CEP112: variants seen among roughly 807,000 people sequenced by gnomAD.
CEP112 encodes centrosomal protein of 112 kDa.
A neutral mutation model predicts 153.0 loss-of-function variants in CEP112; 127 were observed. That is an observed-to-expected ratio of 0.83 (90% CI 0.72 to 0.96). The LOEUF is 0.96. Among genes scored for constraint, CEP112 ranks in the 40% least tolerant of loss-of-function variants. The probability of loss-of-function intolerance (pLI) is 0.00; values close to 1 mark genes in which losing one functional copy is unlikely to be tolerated. For missense variants in CEP112, 1,089 were observed against 1,101.2 expected (o/e 0.99, Z 0.16); for synonymous variants, 358 against 374.4 (o/e 0.96, Z 0.51).
intron 16 of CEP112, among the ~76,000 whole-genome samples, chr17:66,011,985 G>A (rs897505780): frequency 4.6e-5 from 7 of 152,098 alleles, no homozygotes; most frequent in Non-Finnish European, 1.0e-4. Context: ...GTCCTTCTTT[G>A]TCTTTTTTGA....
At position 66,028,312 on chromosome 17, in the gene CEP112, C is replaced by A. The variant is rs1302567857; in HGVS notation, c.1596+1G>T. On this transcript the variant is annotated splice_donor_variant, in intron 15 of 26. Coordinates refer to ENST00000535342, the MANE Select transcript of CEP112 (RefSeq NM_001199165.4). LOFTEE classifies it high-confidence loss of function. ...CTTCTGTGTAGAAATACAAGACTCA[C>A]CCTTAGTTGTTGCTTTCTTTGAAGT... 1 of 1,553,610 alleles carries A rather than the reference C, an allele frequency of 6.4e-7. No homozygotes were observed. Among genetic ancestry groups the A allele is most frequent in the Non-Finnish European group, 8.8e-7 (1 of 1,133,804 alleles).
At chr17:66,165,244 C>A in intron 4 of CEP112, among the ~76,000 whole-genome samples, 1 of 94,666 alleles carries the variant, frequency 1.1e-5, no homozygotes, top group South Asian at 3.2e-4. Context: ...AACACAGTAG[C>A]CCCTAATCAC....
intron 19 of CEP112, among the ~76,000 whole-genome samples, chr17:65,913,276 T>C (rs1395031000): frequency 2.0e-5 from 3 of 152,202 alleles, no homozygotes; most frequent in Non-Finnish European, 4.4e-5. Flanking sequence ...CTAAAAGATG[T>C]TGGAATCTTT....
chr17:66,141,485 A>C (rs1003366370), intron 4 of CEP112, among the ~76,000 whole-genome samples: 40 of 152,194 alleles, frequency 2.6e-4, no homozygotes, highest in African/African-American at 9.4e-4. Context: ...AGCTATAATC[A>C]CAGTGTTGTG....
intron 24 of CEP112, among the ~76,000 whole-genome samples, chr17:65,654,709 T>C (rs564788235): frequency 2.8e-4 from 42 of 152,352 alleles, no homozygotes; most frequent in Admixed American, 2.2e-3. Flanking sequence ...CAAAAGATTC[T>C]CTGACACCAA....
intron 12 of CEP112, among the ~76,000 whole-genome samples, chr17:66,038,100 C>CAA (rs5821553): frequency 4.8e-4 from 51 of 105,392 alleles, no homozygotes; most frequent in South Asian, 1.4e-3. Flanking sequence ...GACTCTGTCT[C>CAA]AAAAAAAAAA....
At chr17:66,148,517 CT>C (rs1180308953) in intron 4 of CEP112, among the ~76,000 whole-genome samples, 2 of 152,102 alleles carry the variant, frequency 1.3e-5, no homozygotes, top group African/African-American at 4.8e-5. Context: ...TCATTGGTGT[CT>C]TTTTAGATTC....
In CEP112 at chr17:66,048,342, T is replaced by C. The variant is rs1055519244; in HGVS notation, c.1218+5394A>G. On this transcript the variant is annotated intron_variant, in intron 12 of 26. Transcript: ENST00000535342. The stretch of plus-strand genomic sequence containing the variant: ...AGAAATTATCCAATGTTCACATATA[T>C]AGAAGTTCAATATATAAGAGCAGGC... 3.9e-5 allele frequency among the ~76,000 whole-genome samples: 6 copies of C among 152,198 alleles called. No individual in the cohort carries two copies. In the East Asian group the frequency reaches 7.7e-4, roughly 20 times the overall value.
intron 22 of CEP112, among the ~76,000 whole-genome samples, chr17:65,748,717 T>C (rs888616365): frequency 1.3e-5 from 2 of 152,222 alleles, no homozygotes; most frequent in East Asian, 3.9e-4. Flanking sequence ...GGCGGGTAAC[T>C]TGCTCAAGGT....
chr17:65,941,790 G>T (rs1280352954), intron 18 of CEP112, among the ~76,000 whole-genome samples: 4 of 147,874 alleles, frequency 2.7e-5, no homozygotes, highest in Non-Finnish European at 6.0e-5. Context: ...TTGTTTTGTT[G>T]TTTTTTTTTT....
chr17:65,714,047 T>C (rs1324800291), intron 23 of CEP112, among the ~76,000 whole-genome samples: 1 of 152,194 alleles, frequency 6.6e-6, no homozygotes, highest in Non-Finnish European at 1.5e-5. Context: ...GTCAGTTCTC[T>C]AAGCCTTGAA....
At chr17:65,751,751 T>G (rs1245666720) in intron 21 of CEP112, among the ~76,000 whole-genome samples, 1 of 152,228 alleles carries the variant, frequency 6.6e-6, no homozygotes, top group Admixed American at 6.5e-5. Context: ...TCCCAACAGT[T>G]CCTTTTTGTT....
intron 24 of CEP112, among the ~76,000 whole-genome samples, chr17:65,656,071 A>C (rs1382301473): frequency 2.6e-5 from 4 of 152,184 alleles, no homozygotes; most frequent in African/African-American, 9.7e-5. Flanking sequence ...GGTCAGGGGT[A>C]GAGTATGTGA....
chr17:65,743,034 C>G, intron 23 of CEP112, 34 bp downstream of exon 23: 1 of 1,556,072 alleles, frequency 6.4e-7, no homozygotes, highest in Non-Finnish European at 8.7e-7. Context: ...ATTAAAGCAG[C>G]TGGTACCACT....
At chr17:66,169,938 A>T (rs1323890290) in intron 4 of CEP112, among the ~76,000 whole-genome samples, 1 of 152,190 alleles carries the variant, frequency 6.6e-6, no homozygotes, top group Non-Finnish European at 1.5e-5. Flanking sequence ...TGCAATCATG[A>T]TTGGACCAGA....
At chr17:66,064,494 T>C (rs1180582115) in intron 10 of CEP112, among the ~76,000 whole-genome samples, 1 of 152,236 alleles carries the variant, frequency 6.6e-6, no homozygotes, top group African/African-American at 2.4e-5. Context: ...TATTTTTAAT[T>C]GGATATAATC....
chr17:66,170,269 A>G (rs1013937006), intron 4 of CEP112, among the ~76,000 whole-genome samples: 1 of 152,142 alleles, frequency 6.6e-6, no homozygotes, highest in African/African-American at 2.4e-5. Context: ...CAAGACAATT[A>G]AGGTCTTTAT....
intron 17 of CEP112, among the ~76,000 whole-genome samples, chr17:66,002,849 T>G (rs1255841873): frequency 3.3e-5 from 5 of 152,176 alleles, no homozygotes; most frequent in Non-Finnish European, 7.4e-5. Flanking sequence ...TAAATAACAC[T>G]ACATTCTAAA....
intron 12 of CEP112, among the ~76,000 whole-genome samples, chr17:66,039,391 C>T (rs1406327630): frequency 6.6e-6 from 1 of 151,978 alleles, no homozygotes; most frequent in Non-Finnish European, 1.5e-5. Context: ...TGGCAAACCC[C>T]TATGGCAAAA....
Sources: gnomAD v4.1 joint callset for allele counts (sites outside exome capture counted in the v4.1 genomes callset) on GRCh38, gnomAD v4.1.1 for gene constraint, MANE v1.5 for transcripts, NCBI Gene and HGNC (gene_info 2026-07-23, HGNC 2026-07-21) for gene names.